The following NINJ1 variants were observed in gnomAD, a reference collection of about 807,000 sequenced individuals.
The protein encoded by NINJ1 is ninjurin 1, also known as ninjurin-1.
In NINJ1, 6 loss-of-function variants were observed where a neutral mutation model predicts 12.7. The ratio of observed to expected loss-of-function variants is 0.47; its 90% CI spans 0.26 to 0.93. The LOEUF is 0.93. Ranked by LOEUF, NINJ1 falls within the 40% of genes least tolerant of loss-of-function variation. The pLI is 0.15. For synonymous variants in NINJ1, 100 were observed against 96.0 expected, an observed-to-expected ratio of 1.04 and a Z score of -0.25; for missense variants, 170 against 213.0, an observed-to-expected ratio of 0.80 and a Z score of 1.26.
intron 3 of NINJ1, among the ~76,000 whole-genome samples, chr9:93,122,630 G>T (rs536658699): frequency 1.3e-5 from 2 of 152,344 alleles, no homozygotes; most frequent in Admixed American, 1.3e-4. Context: ...AAAATGGAAT[G>T]AATATAGCAT....
rs999155090 is a variant in NINJ1 at position 93,126,070 on chromosome 9, G to A, written c.304+340C>T. ...AAATTAGCCGGGCATGGTGATGAGC[G>A]CCTGTAATCCCAGTTACTTTGGGGG... On this transcript the variant is annotated intron_variant, in intron 2 of 3. Coordinates refer to ENST00000375446, the MANE Select transcript of NINJ1 (RefSeq NM_004148.4). The A allele has an allele frequency of 2.1e-4, 63 of 294,838 alleles. 1 individual carries two copies. Among genetic ancestry groups the A allele is most frequent in the Admixed American group, 3.8e-4 (8 of 20,812 alleles). 18.3% of individuals were successfully genotyped at this position (294,838 alleles called of 1,614,324 possible).
At chr9:93,128,845 C>T (rs887668538) in intron 1 of NINJ1, among the ~76,000 whole-genome samples, 10 of 150,618 alleles carry the variant, frequency 6.6e-5, no homozygotes, top group African/African-American at 1.5e-4. Context: ...CACACATAGA[C>T]GTGAGACACA....
At chr9:93,123,570 C>T (rs1376278295) in intron 3 of NINJ1, among the ~76,000 whole-genome samples, 1 of 152,206 alleles carries the variant, frequency 6.6e-6, no homozygotes, top group Non-Finnish European at 1.5e-5. Flanking sequence ...AGGTGTGAGC[C>T]ACCGTGCCTG....
intron 1 of NINJ1, among the ~76,000 whole-genome samples, chr9:93,129,283 G>A (rs1195738304): frequency 6.6e-6 from 1 of 152,212 alleles, no homozygotes; most frequent in Non-Finnish European, 1.5e-5. Flanking sequence ...GTCCCTTAGG[G>A]GCTGAACTCT....
intron 1 of NINJ1, among the ~76,000 whole-genome samples, chr9:93,130,390 C>T (rs986167255): frequency 2.6e-5 from 4 of 152,228 alleles, no homozygotes; most frequent in South Asian, 2.1e-4. Context: ...CTGCATCCAC[C>T]GGCCTGGCTC....
intron 1 of NINJ1, among the ~76,000 whole-genome samples, chr9:93,132,476 C>T (rs1379307175): frequency 6.6e-6 from 1 of 152,240 alleles, no homozygotes; most frequent in East Asian, 1.9e-4. Flanking sequence ...CCCTTCCACA[C>T]ATCTCAGAGA....
At chr9:93,126,346 G>C (rs1827808417) in intron 2 of NINJ1, 64 bp downstream of exon 2, 18 of 1,428,410 alleles carry the variant, frequency 1.3e-5, no homozygotes, top group Non-Finnish European at 1.7e-5. Flanking sequence ...ACCTGTCCCA[G>C]GCGATGCGAG....
chr9:93,123,515 C>A (rs1827766661), intron 3 of NINJ1, among the ~76,000 whole-genome samples: 1 of 152,240 alleles, frequency 6.6e-6, no homozygotes, highest in Admixed American at 6.5e-5. Flanking sequence ...AGCTCCCGAC[C>A]TCAGGTGATC....
intron 3 of NINJ1, among the ~76,000 whole-genome samples, 197 bp downstream of exon 3, chr9:93,124,702 A>T (rs542923615): frequency 1.3e-5 from 2 of 152,100 alleles, no homozygotes; most frequent in Non-Finnish European, 2.9e-5. Flanking sequence ...TGACCACAGG[A>T]CCCCAGGTGG....
intron 2 of NINJ1, 87 bp from the exon 3 acceptor site, chr9:93,125,149 C>G: frequency 7.3e-7 from 1 of 1,370,758 alleles, no homozygotes; most frequent in Non-Finnish European, 9.9e-7. Flanking sequence ...CCCACCCCAG[C>G]GGTCAAGCTG....
chr9:93,127,117 T>C (rs1389348127), intron 1 of NINJ1, among the ~76,000 whole-genome samples: 1 of 152,050 alleles, frequency 6.6e-6, no homozygotes, highest in East Asian at 1.9e-4. Flanking sequence ...AGGGCAGAGA[T>C]CGCCCCTGCC....
rs1164365457 is a variant in NINJ1 at position 93,125,127 on chromosome 9, A to G, written c.305-65T>C. 2.6e-6 allele frequency: 4 copies of G among 1,511,308 alleles called. No homozygotes were observed. The African/African-American group carries it at 5.5e-5, about 21-fold the overall frequency. 93.6% of individuals were successfully genotyped at this position (1,511,308 alleles called of 1,614,324 possible). A position where few individuals can be genotyped will look rare whatever the true frequency, so the allele number is the denominator to read the frequency against. The stretch of plus-strand genomic sequence containing the variant: ...CAGACGCAGCGCCCCAGCCTGGGAC[A>G]GTGGAAGGGGACCCACCCCAGCGGT... On this transcript the variant is annotated intron_variant, in intron 2 of 3. Coordinates refer to ENST00000375446, the MANE Select transcript of NINJ1 (RefSeq NM_004148.4).
intron 3 of NINJ1, 132 bp downstream of exon 3, chr9:93,124,767 G>T: frequency 2.1e-6 from 2 of 946,662 alleles, no homozygotes; most frequent in Non-Finnish European, 3.0e-6. Flanking sequence ...TGGCCTTGTA[G>T]GTGTGGACGA....
intron 1 of NINJ1, among the ~76,000 whole-genome samples, chr9:93,133,316 A>C (rs1827924774): frequency 6.6e-6 from 1 of 152,206 alleles, no homozygotes; most frequent in South Asian, 2.1e-4. Context: ...GGCCTGGAAA[A>C]ACCCAACAGG....
At chr9:93,127,338 A>G (rs1029718566) in intron 1 of NINJ1, among the ~76,000 whole-genome samples, 1 of 152,196 alleles carries the variant, frequency 6.6e-6, no homozygotes, top group Non-Finnish European at 1.5e-5. Flanking sequence ...GAGTAATAAA[A>G]TGGGAATGCG....
At chr9:93,131,752 G>A (rs1827896163) in intron 1 of NINJ1, among the ~76,000 whole-genome samples, 1 of 152,328 alleles carries the variant, frequency 6.6e-6, no homozygotes, top group South Asian at 2.1e-4. Context: ...GGGCCACAGG[G>A]GCGCAGGGCA....
intron 1 of NINJ1, among the ~76,000 whole-genome samples, chr9:93,127,435 G>C (rs1827830381): frequency 6.6e-6 from 1 of 152,126 alleles, no homozygotes; most frequent in South Asian, 2.1e-4. Flanking sequence ...CCTTTCCCTG[G>C]TGCCAGACAC....
intron 1 of NINJ1, among the ~76,000 whole-genome samples, chr9:93,132,061 A>G (rs1827902913): frequency 6.6e-6 from 1 of 152,146 alleles, no homozygotes; most frequent in Non-Finnish European, 1.5e-5. Flanking sequence ...AGCACTTCAT[A>G]TACATCAGCT....
rs986877837 is a variant in NINJ1 at position 93,134,182 on chromosome 9, G to A, written c.36C>T (p.Gly12=). 6 of 1,549,276 alleles carry A rather than the reference G, an allele frequency of 3.9e-6. No homozygotes were observed. Among genetic ancestry groups the A allele is most frequent in the African/African-American group, 1.4e-5 (1 of 72,466 alleles). Residue 12 remains glycine, a synonymous_variant, in exon 1 of 4, where the codon GGC becomes GGT. Coordinates refer to ENST00000375446, the MANE Select transcript of NINJ1 (RefSeq NM_004148.4). ...AGCCGGGTGTGCCCGGAGGCAGGCC[G>A]CCGTTGAGCTCGTACTCCTCGGTTC... ...DSGTEEYELN[G]GLPPGTPGSP... is the part of the protein sequence containing the mutation.
Sources: allele counts gnomAD v4.1 joint callset (sites outside exome capture counted in the v4.1 genomes callset), GRCh38; gene constraint gnomAD v4.1.1; transcripts MANE v1.5; gene names NCBI Gene and HGNC (gene_info 2026-07-23, HGNC 2026-07-21).